Variants in CCDC102B observed in about 807,000 individuals in gnomAD.
The protein encoded by CCDC102B is coiled-coil domain-containing protein 102B.
Under a neutral mutation model 57.4 loss-of-function variants are expected in CCDC102B, and 75 were observed. That is an observed-to-expected ratio of 1.31 (90% CI 1.08 to 1.58). The LOEUF (loss-of-function observed/expected upper bound fraction) is 1.58. Ranked by LOEUF, CCDC102B falls within the 40% of genes most tolerant of loss-of-function variation. The pLI is 0.00. For synonymous variants in CCDC102B, 206 were observed against 201.9 expected, an observed-to-expected ratio of 1.02 and a Z score of -0.17; for missense variants, 636 against 582.6, an observed-to-expected ratio of 1.09 and a Z score of -0.94.
intron 1 of CCDC102B, among the ~76,000 whole-genome samples, chr18:68,823,839 A>G (rs986567260): frequency 6.6e-6 from 1 of 151,264 alleles, no homozygotes; most frequent in Non-Finnish European, 1.5e-5. Flanking sequence ...ATGTTTGTTG[A>G]CTTATTGTGT....
intron 6 of CCDC102B, among the ~76,000 whole-genome samples, chr18:68,959,262 C>T (rs1253843699): frequency 6.6e-6 from 1 of 152,126 alleles, no homozygotes; most frequent in East Asian, 1.9e-4. Context: ...TTTGCAGAGT[C>T]ATAGAAATAG....
rs932725739 is a variant in CCDC102B, at chr18:68,824,741, A to T, written c.-15-12008A>T. Among the ~76,000 whole-genome samples the T allele has an allele frequency of 2.6e-5, 4 of 152,326 alleles. No individual in the cohort carries two copies. The South Asian group carries it at 8.3e-4, about 32-fold the overall frequency. ...AGAATAGCCAGACTGACATGATATT[A>T]TAAGTCTTTGGAAATGTTTTCTGTT... On this transcript the variant is annotated intron_variant, in intron 1 of 7. Transcript: ENST00000360242.
At chr18:68,894,830 A>C (rs2040190339) in intron 5 of CCDC102B, among the ~76,000 whole-genome samples, 1 of 151,872 alleles carries the variant, frequency 6.6e-6, no homozygotes, top group African/African-American at 2.4e-5. Context: ...CATTACTTAA[A>C]AAAAATCTTA....
At chr18:68,986,406 C>A (rs2145309377) in intron 6 of CCDC102B, among the ~76,000 whole-genome samples, 1 of 152,278 alleles carries the variant, frequency 6.6e-6, no homozygotes, top group South Asian at 2.1e-4. Flanking sequence ...ATGATCGTCT[C>A]AATTGATTCA....
At chr18:68,839,072 A>C (rs2037512433) in intron 3 of CCDC102B, 146 bp downstream of exon 3, 6 of 699,806 alleles carry the variant, frequency 8.6e-6, no homozygotes, top group Non-Finnish European at 1.5e-5. Flanking sequence ...AGTTTGATAT[A>C]TATTCATATG....
At chr18:69,044,693 C>T (rs1002806249) in intron 7 of CCDC102B, among the ~76,000 whole-genome samples, 1 of 152,102 alleles carries the variant, frequency 6.6e-6, no homozygotes, top group Middle Eastern at 3.2e-3. Context: ...CTGAAGCTCA[C>T]GTGACTTCAT....
In CCDC102B at chr18:68,897,320, C is replaced by T. The variant is rs2040276592; in HGVS notation, c.1155C>T (p.Ile385=). ...AGAGAGAAAATAGAAGGCTGAAGAT[C>T]CAGGTGAAAGAAATGGAAGAGCTTT... The part of the protein sequence containing the change: ...GLERENRRLK[I]QVKEMEELLD... The change falls in exon 6 of 8, where the codon ATC becomes ATT. Residue 385 remains isoleucine, a synonymous_variant. Transcript: ENST00000360242. 3 of 1,612,902 alleles carry T rather than the reference C, an allele frequency of 1.9e-6. No homozygotes were observed. The East Asian group carries it at 6.7e-5, about 36-fold the overall frequency.
At chr18:69,030,667 G>T (rs6566406) in intron 7 of CCDC102B, among the ~76,000 whole-genome samples, 142,221 of 152,192 alleles carry the variant, frequency 0.93, 66,646 homozygotes, top group Non-Finnish European at 0.97. Flanking sequence ...TTTTTGTTTT[G>T]GTTTTTGTTT....
intron 4 of CCDC102B, among the ~76,000 whole-genome samples, chr18:68,855,535 A>G (rs1407050104): frequency 6.6e-6 from 1 of 152,206 alleles, no homozygotes; most frequent in East Asian, 1.9e-4. Context: ...TAATATATTT[A>G]CAGAGTTGTA....
chr18:68,737,882 A>G (rs944462317), intron 2 of CCDC102B, among the ~76,000 whole-genome samples: 2 of 152,264 alleles, frequency 1.3e-5, no homozygotes, highest in Non-Finnish European at 2.9e-5. Context: ...TCTTCTGGGA[A>G]TCAGGAATGC....
intron 6 of CCDC102B, among the ~76,000 whole-genome samples, chr18:68,931,014 C>T (rs760256317): frequency 4.0e-5 from 6 of 151,572 alleles, no homozygotes; most frequent in Non-Finnish European, 7.4e-5. Context: ...TACAGCATGT[C>T]TCATTCAGAG....
chr18:68,897,634 C>G (rs572371919), intron 6 of CCDC102B: 1 of 1,501,950 alleles, frequency 6.7e-7, no homozygotes, highest in Admixed American at 2.0e-5. Flanking sequence ...TAAAATATGA[C>G]AAATCTTCAG....
chr18:68,961,119 T>G (rs190896771), intron 6 of CCDC102B, among the ~76,000 whole-genome samples: 1 of 152,254 alleles, frequency 6.6e-6, no homozygotes, highest in East Asian at 1.9e-4. Flanking sequence ...TGTAGATTTG[T>G]TTAGTTTTTA....
At chr18:68,980,867 A>G (rs1405518177) in intron 6 of CCDC102B, among the ~76,000 whole-genome samples, 2 of 151,960 alleles carry the variant, frequency 1.3e-5, no homozygotes, top group African/African-American at 2.4e-5. Flanking sequence ...ACTGGATTTT[A>G]CTCTGAGATA....
At chr18:68,943,737 T>G (rs562562051) in intron 6 of CCDC102B, among the ~76,000 whole-genome samples, 1 of 152,260 alleles carries the variant, frequency 6.6e-6, no homozygotes, top group African/African-American at 2.4e-5. Flanking sequence ...AGTCCTTTAT[T>G]TAAGCCGGCG....
intron 2 of CCDC102B, among the ~76,000 whole-genome samples, chr18:68,755,441 A>G (rs1003565351): frequency 7.2e-5 from 11 of 152,280 alleles, no homozygotes; most frequent in Non-Finnish European, 8.8e-5. Context: ...CCATGCTTCA[A>G]AAGAAGATAA....
chr18:68,825,438 C>T (rs777167358), intron 1 of CCDC102B, among the ~76,000 whole-genome samples: 12 of 151,932 alleles, frequency 7.9e-5, no homozygotes, highest in Non-Finnish European at 1.5e-4. Flanking sequence ...GTCTGTAATC[C>T]CCGCACTTTG....
intron 4 of CCDC102B, among the ~76,000 whole-genome samples, chr18:68,848,936 T>A (rs536447262): frequency 6.6e-6 from 1 of 152,254 alleles, no homozygotes; most frequent in Admixed American, 6.5e-5. Context: ...AAAGTAACTT[T>A]TAATTTTCTT....
chr18:68,802,425 T>A (rs184682116), intron 1 of CCDC102B, among the ~76,000 whole-genome samples: 1 of 152,354 alleles, frequency 6.6e-6, no homozygotes, highest in Admixed American at 6.5e-5. Flanking sequence ...AAGGTGTTAA[T>A]GCTATATGAA....
Sources: gnomAD v4.1 joint callset for allele counts (sites outside exome capture counted in the v4.1 genomes callset) on GRCh38, gnomAD v4.1.1 for gene constraint, MANE v1.5 for transcripts, NCBI Gene and HGNC (gene_info 2026-07-23, HGNC 2026-07-21) for gene names.